Variants in SYT9 observed in about 807,000 individuals in gnomAD.
SYT9 encodes the protein synaptotagmin-9.
Under a neutral mutation model 48.4 loss-of-function variants are expected in SYT9, and 22 were observed. The ratio of observed to expected loss-of-function variants is 0.45; its 90% CI spans 0.32 to 0.65. SYT9 has a LOEUF of 0.65. Among genes scored for constraint, SYT9 ranks in the 30% least tolerant of loss-of-function variants. SYT9 has a pLI of 0.03. For missense variants in SYT9, 577 were observed against 622.0 expected (o/e 0.93, Z 0.77); for synonymous variants, 265 against 245.0 (o/e 1.08, Z -0.76).
At chr11:7,321,899 T>A (rs1170988202) in intron 3 of SYT9, among the ~76,000 whole-genome samples, 1 of 152,160 alleles carries the variant, frequency 6.6e-6, no homozygotes, top group Non-Finnish European at 1.5e-5. Flanking sequence ...ATGGTGCTGG[T>A]AGGAGTGTAT....
intron 6 of SYT9, among the ~76,000 whole-genome samples, chr11:7,442,365 G>A (rs528396743): frequency 6.6e-6 from 1 of 152,168 alleles, no homozygotes; most frequent in African/African-American, 2.4e-5. Context: ...GCAAACCAGG[G>A]TGGAGGATGG....
At position 7,428,548 on chromosome 11, in the gene SYT9, C is replaced by T. The variant is rs535839234; in HGVS notation, c.1467+7913C>T. Among the ~76,000 whole-genome samples, 36 of 152,288 alleles carry T rather than the reference C, an allele frequency of 2.4e-4. No individual in the cohort carries two copies. In the South Asian group the frequency reaches 7.3e-3, roughly 31 times the overall value. ...TGGGGAATGGGGCCTGGGGCAAAGG[C>T]GGAGCACCCTGGCAGAGGACACTCA... On this transcript the variant is annotated intron_variant, in intron 6 of 6. Transcript: ENST00000318881.
At chr11:7,369,560 A>G (rs530025915) in intron 3 of SYT9, among the ~76,000 whole-genome samples, 3 of 152,034 alleles carry the variant, frequency 2.0e-5, no homozygotes, top group Non-Finnish European at 4.4e-5. Flanking sequence ...GCCCATGCCT[A>G]TGTCCCGAAT....
intron 1 of SYT9, among the ~76,000 whole-genome samples, chr11:7,244,250 T>C (rs543697315): frequency 1.1e-4 from 16 of 152,274 alleles, no homozygotes; most frequent in Non-Finnish European, 2.1e-4. Context: ...TAATTGTCCA[T>C]CATAAAACTG....
chr11:7,270,818 A>G (rs1415894835), intron 1 of SYT9, among the ~76,000 whole-genome samples: 3 of 137,268 alleles, frequency 2.2e-5, no homozygotes, highest in Admixed American at 7.9e-5. Context: ...TGATGTTTAG[A>G]TGCACAAGAC....
chr11:7,346,750 G>T (rs117068226), intron 3 of SYT9, among the ~76,000 whole-genome samples: 135 of 152,270 alleles, frequency 8.9e-4, no homozygotes, highest in Non-Finnish European at 1.5e-3. Context: ...TAATCTGTCT[G>T]CTCAATACAG....
intron 6 of SYT9, among the ~76,000 whole-genome samples, chr11:7,421,720 T>C (rs751272252): frequency 2.0e-5 from 3 of 152,232 alleles, no homozygotes. Context: ...GTAACATGTC[T>C]GAGGGTCCAA....
chr11:7,467,972 A>G lies in SYT9; in HGVS notation c.*1172A>G, dbSNP rs1334652466. On this transcript the variant is annotated 3_prime_UTR_variant, in exon 7 of 7. Transcript: ENST00000318881. Reference sequence around the variant, plus strand: ...CAAGTCTGCCAACCAATGGCCAGCTATGCGCCTCATCCTCATTGCTTCTGC... The same window carrying G: ...CAAGTCTGCCAACCAATGGCCAGCTGTGCGCCTCATCCTCATTGCTTCTGC... The G allele has an allele frequency of 6.3e-5, 18 of 284,984 alleles. No individual in the cohort carries two copies. The East Asian group carries it at 7.8e-4, about 12-fold the overall frequency. The allele number at this position is 284,984 out of a possible 1,614,324, so 17.7% of individuals were successfully genotyped here.
At chr11:7,443,312 A>T (rs1213541230) in intron 6 of SYT9, among the ~76,000 whole-genome samples, 1 of 152,248 alleles carries the variant, frequency 6.6e-6, no homozygotes, top group East Asian at 1.9e-4. Flanking sequence ...GAGGAAATAG[A>T]CATAAGAAAA....
intron 6 of SYT9, among the ~76,000 whole-genome samples, chr11:7,436,361 T>C (rs1049767761): frequency 1.3e-5 from 2 of 152,066 alleles, no homozygotes; most frequent in African/African-American, 4.8e-5. Flanking sequence ...GGAAAGGAAT[T>C]TGGTGGCCTT....
chr11:7,328,081 AT>A (rs1849465951), intron 3 of SYT9, among the ~76,000 whole-genome samples: 3 of 14,914 alleles, frequency 2.0e-4, no homozygotes, highest in African/African-American at 3.3e-4. Flanking sequence ...ATTAAAAATA[AT>A]AATAATAATA....
Position 7,313,645 on chromosome 11 carries a change from A to G in SYT9, c.748A>G (p.Lys250Glu). 1 of 1,614,212 alleles carries G rather than the reference A, an allele frequency of 6.2e-7. No homozygotes were observed. The highest frequency in any genetic ancestry group is 8.5e-7 in the Non-Finnish European group (1 of 1,180,032). Residue 250 changes from lysine to glutamate, a missense_variant, in exon 3 of 7, where the codon AAG becomes GAG. By Grantham distance (56) the Lys-to-Glu change is moderately conservative (BLOSUM62 1). Transcript: ENST00000318881. ...TCACAAAGCTGTCAATTTGCCCGCC[A>G]AGGACTTTTCTGGGACTTCAGATCC... is the stretch of plus-strand genomic sequence containing the variant. ...KIHKAVNLPA[K>E]DFSGTSDPYV...
At chr11:7,250,076 C>A (rs1247380358), upstream of SYT9, among the ~76,000 whole-genome samples, 4 of 152,150 alleles carry the variant, frequency 2.6e-5, no homozygotes, top group Non-Finnish European at 5.9e-5. Context: ...TCAGTTTCTA[C>A]CTTTCCAATG....
intron 6 of SYT9, among the ~76,000 whole-genome samples, chr11:7,422,699 G>A (rs1425099249): frequency 6.6e-6 from 1 of 152,222 alleles, no homozygotes; most frequent in Non-Finnish European, 1.5e-5. Flanking sequence ...GAGGTGTGTG[G>A]TGTAGGGCTG....
intron 6 of SYT9, among the ~76,000 whole-genome samples, chr11:7,455,039 A>G (rs537599796): frequency 2.6e-5 from 4 of 152,352 alleles, no homozygotes; most frequent in Admixed American, 2.6e-4. Flanking sequence ...CATTGTGAGT[A>G]TCTTTGAGAT....
At chr11:7,421,703 T>C (rs1272459947) in intron 6 of SYT9, among the ~76,000 whole-genome samples, 1 of 152,180 alleles carries the variant, frequency 6.6e-6, no homozygotes, top group Non-Finnish European at 1.5e-5. Context: ...TAATTTGCAC[T>C]CCCTAAGTAA....
At chr11:7,260,475 C>T (rs971179567) in intron 1 of SYT9, among the ~76,000 whole-genome samples, 2 of 152,150 alleles carry the variant, frequency 1.3e-5, no homozygotes, top group African/African-American at 4.8e-5. Context: ...CTCTAGTAAA[C>T]AATGGTCAAA....
At chr11:7,328,601 G>C (rs769035582) in intron 3 of SYT9, among the ~76,000 whole-genome samples, 4 of 151,968 alleles carry the variant, frequency 2.6e-5, no homozygotes, top group Non-Finnish European at 5.9e-5. Context: ...CTCCTATCTT[G>C]CCGTGGTTTT....
chr11:7,333,196 CAT>C (rs1849572897), intron 3 of SYT9, among the ~76,000 whole-genome samples: 1 of 152,084 alleles, frequency 6.6e-6, no homozygotes, highest in African/African-American at 2.4e-5. Flanking sequence ...TCTAAATAAA[CAT>C]AGTGGGGGAG....
Sources: gnomAD v4.1 joint callset for allele counts (sites outside exome capture counted in the v4.1 genomes callset) on GRCh38, gnomAD v4.1.1 for gene constraint, MANE v1.5 for transcripts, NCBI Gene and HGNC (gene_info 2026-07-23, HGNC 2026-07-21) for gene names.